KCNAB1: variants seen among roughly 807,000 people sequenced by gnomAD.
The protein encoded by KCNAB1 is voltage-gated potassium channel subunit beta-1.
A neutral mutation model predicts 64.6 loss-of-function variants in KCNAB1; 35 were observed. That is an observed-to-expected ratio of 0.54 (90% CI 0.41 to 0.72). The LOEUF is 0.72. Ranked by LOEUF, KCNAB1 falls within the 30% of genes least tolerant of loss-of-function variation. KCNAB1 has a pLI of 0.00. For synonymous variants in KCNAB1, 177 were observed against 183.8 expected, an observed-to-expected ratio of 0.96 and a Z score of 0.30; for missense variants, 401 against 512.9, an observed-to-expected ratio of 0.78 and a Z score of 2.11.
At chr3:156,451,421 C>T (rs1312524528) in intron 2 of KCNAB1, among the ~76,000 whole-genome samples, 3 of 152,106 alleles carry the variant, frequency 2.0e-5, no homozygotes, top group Non-Finnish European at 2.9e-5. Flanking sequence ...TCTAATAAGG[C>T]AGTGTGGTGT....
chr3:156,388,952 T>A (rs1472446568), intron 1 of KCNAB1, among the ~76,000 whole-genome samples: 2 of 152,214 alleles, frequency 1.3e-5, no homozygotes, highest in African/African-American at 4.8e-5. Context: ...TTGGAAGTAT[T>A]GGCAGATAAG....
At chr3:156,430,938 C>T (rs554975236) in intron 2 of KCNAB1, among the ~76,000 whole-genome samples, 2 of 152,128 alleles carry the variant, frequency 1.3e-5, no homozygotes, top group Admixed American at 6.6e-5. Flanking sequence ...ATGTCAGAAC[C>T]TGAATGACTC....
chr3:156,207,234 A>G (rs575270552), intron 1 of KCNAB1, among the ~76,000 whole-genome samples: 7 of 152,336 alleles, frequency 4.6e-5, no homozygotes, highest in Admixed American at 3.9e-4. Flanking sequence ...GGGTAGGAGT[A>G]GTGGGTAGGA....
chr3:156,380,838 G>A (rs778201438), intron 1 of KCNAB1, among the ~76,000 whole-genome samples: 2 of 152,090 alleles, frequency 1.3e-5, no homozygotes, highest in African/African-American at 4.8e-5. Flanking sequence ...ATTTTGAGGG[G>A]TATAGTCTGC....
At chr3:156,459,638 A>G (rs558261914) in intron 4 of KCNAB1, among the ~76,000 whole-genome samples, 189 bp from the exon 5 acceptor site, 2 of 152,018 alleles carry the variant, frequency 1.3e-5, no homozygotes, top group East Asian at 3.9e-4. Flanking sequence ...TGCTTCTGGA[A>G]TGCTCCGGAG....
chr3:156,525,144 C>T (rs943695800), intron 12 of KCNAB1, among the ~76,000 whole-genome samples: 2 of 151,968 alleles, frequency 1.3e-5, no homozygotes, highest in African/African-American at 4.8e-5. Context: ...GTTACTCCTT[C>T]TTACTAGGAA....
At chr3:156,269,308 C>T (rs1174594588) in intron 1 of KCNAB1, among the ~76,000 whole-genome samples, 2 of 152,098 alleles carry the variant, frequency 1.3e-5, no homozygotes, top group East Asian at 1.9e-4. Flanking sequence ...CAAAATTCCT[C>T]TTGTTGTTGA....
At chr3:156,463,141 A>G (rs1452155075) in intron 5 of KCNAB1, among the ~76,000 whole-genome samples, 1 of 152,184 alleles carries the variant, frequency 6.6e-6, no homozygotes, top group African/African-American at 2.4e-5. Flanking sequence ...TTAAATGTCT[A>G]TGTAGTCAGT....
intron 13 of KCNAB1, among the ~76,000 whole-genome samples, chr3:156,533,120 G>A (rs960755853): frequency 2.4e-4 from 37 of 152,212 alleles, no homozygotes; most frequent in African/African-American, 8.4e-4. Context: ...GATGTTTTAC[G>A]TGCCAGTAGG....
chr3:156,445,403 G>T (rs536829982), intron 2 of KCNAB1, among the ~76,000 whole-genome samples: 4 of 152,280 alleles, frequency 2.6e-5, no homozygotes, highest in African/African-American at 9.6e-5. Context: ...AGTTATCTGA[G>T]GATCTTTTAA....
chr3:156,158,181 AATAAAT>A (rs1230992672), intron 1 of KCNAB1, among the ~76,000 whole-genome samples: 436 of 33,522 alleles, frequency 0.013, 26 homozygotes, highest in Admixed American at 0.079. Flanking sequence ...AAAAATAAAA[AATAAAT>A]AAATAAATAA....
intron 1 of KCNAB1, among the ~76,000 whole-genome samples, chr3:156,200,694 A>T (rs1442011667): frequency 6.6e-6 from 1 of 152,148 alleles, no homozygotes; most frequent in Non-Finnish European, 1.5e-5. Context: ...TCAACTTCAG[A>T]CTGCTGTGCT....
intron 1 of KCNAB1, among the ~76,000 whole-genome samples, chr3:156,387,014 C>CTCTCT (rs60888308): frequency 1.1e-5 from 1 of 90,524 alleles, no homozygotes; most frequent in African/African-American, 5.4e-5. Context: ...TTCTCTCTCT[C>CTCTCT]TTTTTTTTTT....
chr3:156,475,601 T>C (rs1244889214), intron 8 of KCNAB1, among the ~76,000 whole-genome samples: 1 of 152,198 alleles, frequency 6.6e-6, no homozygotes, highest in East Asian at 1.9e-4. Flanking sequence ...AAATGAATAT[T>C]CTGGTTATTT....
intron 1 of KCNAB1, among the ~76,000 whole-genome samples, chr3:156,245,864 C>T (rs142784035): frequency 1.2e-3 from 177 of 152,036 alleles, no homozygotes; most frequent in Non-Finnish European, 2.2e-3. Flanking sequence ...CATTTAGCAA[C>T]AGAAAAGAGA....
intron 2 of KCNAB1, among the ~76,000 whole-genome samples, chr3:156,435,042 G>A (rs1716493071): frequency 6.6e-6 from 1 of 152,206 alleles, no homozygotes; most frequent in African/African-American, 2.4e-5. Context: ...GTGGGTAACT[G>A]AAGCTGGAAT....
chr3:156,176,677 G>A, intron 1 of KCNAB1: 1 of 1,046,656 alleles, frequency 9.6e-7, no homozygotes, highest in Non-Finnish European at 1.5e-6. Flanking sequence ...AGGTGGATCG[G>A]TTGGGGGTGG....
At chr3:156,481,858 G>A (rs1221854715) in intron 8 of KCNAB1, among the ~76,000 whole-genome samples, 1 of 152,118 alleles carries the variant, frequency 6.6e-6, no homozygotes, top group Non-Finnish European at 1.5e-5. Context: ...ATCTGAATGA[G>A]TTAACAATGT....
At chr3:156,526,238 C>T (rs1718300608) in intron 12 of KCNAB1, among the ~76,000 whole-genome samples, 1 of 152,174 alleles carries the variant, frequency 6.6e-6, no homozygotes, top group Non-Finnish European at 1.5e-5. Flanking sequence ...ACTAGGTTTG[C>T]ATAAGTACCC....
Sources: gnomAD v4.1 joint callset for allele counts (sites outside exome capture counted in the v4.1 genomes callset) on GRCh38, gnomAD v4.1.1 for gene constraint, MANE v1.5 for transcripts, NCBI Gene and HGNC (gene_info 2026-07-23, HGNC 2026-07-21) for gene names.